Variants in HGSNAT observed in about 807,000 individuals in gnomAD.
The protein encoded by HGSNAT is transmembrane protein 76.
HGSNAT carries 59 observed loss-of-function variants against 85.2 expected under a neutral mutation model. That is an observed-to-expected ratio of 0.69 (90% CI 0.56 to 0.86). HGSNAT has a LOEUF of 0.86. Among genes scored for constraint, HGSNAT ranks in the 40% least tolerant of loss-of-function variants. The probability of loss-of-function intolerance (pLI) is 0.00; values close to 1 mark genes in which losing one functional copy is unlikely to be tolerated. For synonymous variants in HGSNAT, 321 were observed against 304.5 expected (o/e 1.05, Z -0.56); for missense variants, 756 against 777.1 (o/e 0.97, Z 0.32).
At chr8:43,192,750 G>A (rs544257474) in intron 13 of HGSNAT, among the ~76,000 whole-genome samples, 24 of 150,942 alleles carry the variant, frequency 1.6e-4, no homozygotes, top group Admixed American at 9.9e-4. Context: ...GTGAGACCCC[G>A]TCTCTGTAAG....
intron 5 of HGSNAT, among the ~76,000 whole-genome samples, chr8:43,166,286 T>G (rs144757147): frequency 0.014 from 2,205 of 152,334 alleles, 164 homozygotes; most frequent in Admixed American, 0.12. Context: ...ACAGTTTCCA[T>G]GCAGATGAAA....
intron 14 of HGSNAT, among the ~76,000 whole-genome samples, chr8:43,194,721 C>A (rs1232223003): frequency 6.6e-6 from 1 of 152,218 alleles, no homozygotes; most frequent in East Asian, 1.9e-4. Flanking sequence ...CTGCCTCAAG[C>A]CCTTTTCTAA....
At chr8:43,140,671 C>T (rs1005943525) in intron 1 of HGSNAT, 57 bp downstream of exon 1, 2 of 881,558 alleles carry the variant, frequency 2.3e-6, no homozygotes, top group Non-Finnish European at 2.9e-6. Flanking sequence ...GTCTCCTCTC[C>T]GCGGCGCCGC....
chr8:43,186,167 T>A (rs942431993), intron 11 of HGSNAT, among the ~76,000 whole-genome samples: 1 of 152,162 alleles, frequency 6.6e-6, no homozygotes, highest in Non-Finnish European at 1.5e-5. Flanking sequence ...TGAGTTAGGG[T>A]TGATTCCCTC....
chr8:43,178,112 T>C lies in HGSNAT; in HGVS notation c.890T>C (p.Met297Thr), dbSNP rs1332666131. The C allele has an allele frequency of 6.2e-7, 1 of 1,612,898 alleles. No homozygotes were observed. Among genetic ancestry groups the C allele is most frequent in the African/African-American group, 1.3e-5 (1 of 74,900 alleles). Residue 297 changes from methionine to threonine, a missense_variant, in exon 10 of 18, where the codon ATG (methionine) becomes ACG (threonine). Physicochemically the swap from Met to Thr is moderately conservative, Grantham distance 81. Coordinates refer to ENST00000379644, the MANE Select transcript of HGSNAT (RefSeq NM_152419.3). ...FIMGSSIFLS[M>T]TSILQRGCSK... ...ATGGGATCTTCCATTTTTCTATCGA[T>C]GACTTCTATACTGCAACGGGGGTGT...
chr8:43,191,177 T>G (rs1374921495), intron 11 of HGSNAT, among the ~76,000 whole-genome samples: 2 of 152,246 alleles, frequency 1.3e-5, no homozygotes, highest in Non-Finnish European at 2.9e-5. Flanking sequence ...TGTCCCCTTT[T>G]TTGCTGTTGT....
At chr8:43,182,443 C>G (rs1563376477) in intron 11 of HGSNAT, 183 bp downstream of exon 11, 1 of 648,538 alleles carries the variant, frequency 1.5e-6, no homozygotes, top group East Asian at 2.9e-5. Context: ...TGGCCAGAAA[C>G]TGTGTTCTTG....
Position 43,173,730 on chromosome 8 carries a change from C to A in HGSNAT, c.838C>A (p.Leu280Ile). 1 of 1,613,000 alleles carries A rather than the reference C, an allele frequency of 6.2e-7. No individual in the cohort carries two copies. Among genetic ancestry groups the A allele is most frequent in the Non-Finnish European group, 8.5e-7 (1 of 1,179,512 alleles). ...ASWNGLTVAD[L>I]VFPWFVFIMG... ...TTCTGCAGGGCTGACAGTGGCTGAC[C>A]TCGTGTTCCCGTGGTGAGTTGCCGG... The change falls in exon 9 of 18, where the codon CTC (leucine) becomes ATC (isoleucine). Residue 280 changes from leucine (L) to isoleucine (I), a missense_variant. Transcript: ENST00000379644.
intron 13 of HGSNAT, among the ~76,000 whole-genome samples, chr8:43,192,811 A>G (rs1804585470): frequency 6.6e-6 from 1 of 152,198 alleles, no homozygotes; most frequent in Admixed American, 6.5e-5. Context: ...TGCATTGTGT[A>G]AATGATCATA....
At chr8:43,196,633 T>G in intron 14 of HGSNAT, 2 of 826,874 alleles carry the variant, frequency 2.4e-6, no homozygotes, top group Non-Finnish European at 3.6e-6. Flanking sequence ...CCCCGAGCTC[T>G]GTGCCTGCTG....
intron 11 of HGSNAT, among the ~76,000 whole-genome samples, chr8:43,190,910 A>G (rs1804505503): frequency 6.6e-6 from 1 of 152,008 alleles, no homozygotes; most frequent in African/African-American, 2.4e-5. Flanking sequence ...GTCACTCCCC[A>G]CATCACAACT....
At chr8:43,195,295 A>C (rs1804666655) in intron 14 of HGSNAT, among the ~76,000 whole-genome samples, 1 of 152,138 alleles carries the variant, frequency 6.6e-6, no homozygotes, top group African/African-American at 2.4e-5. Context: ...AATAACATCA[A>C]CAGTTGATTC....
At chr8:43,189,453 C>T (rs970560124) in intron 11 of HGSNAT, among the ~76,000 whole-genome samples, 1 of 152,196 alleles carries the variant, frequency 6.6e-6, no homozygotes, top group African/African-American at 2.4e-5. Flanking sequence ...GATATAATCT[C>T]CTGGTGTGCC....
At chr8:43,182,372 A>G in intron 11 of HGSNAT, 112 bp downstream of exon 11, 1 of 903,588 alleles carries the variant, frequency 1.1e-6, no homozygotes, top group Non-Finnish European at 1.8e-6. Context: ...TCCTGGCTTC[A>G]AGTGATCCTC....
At chr8:43,144,876 C>T (rs1802663373) in intron 1 of HGSNAT, among the ~76,000 whole-genome samples, 1 of 152,156 alleles carries the variant, frequency 6.6e-6, no homozygotes, top group Non-Finnish European at 1.5e-5. Context: ...CCCAGCTTCA[C>T]CACTTACACC....
At position 43,185,657 on chromosome 8, in the gene HGSNAT, A is replaced by G. The variant is rs566723864; in HGVS notation, c.1128+3397A>G. On this transcript the variant is annotated intron_variant, in intron 11 of 17. Transcript: ENST00000379644. ...TTTCTCCTGCCTGATTGCCCTGGCC[A>G]GAACTTCCAATCCTATGTTGAACAG... 3.9e-5 allele frequency among the ~76,000 whole-genome samples: 6 copies of G among 152,338 alleles called. No homozygotes were observed. In the South Asian group the frequency reaches 1.2e-3, roughly 32 times the overall value.
At position 43,140,602 on chromosome 8, in the gene HGSNAT, G is replaced by T; in HGVS notation, c.106G>T (p.Ala36Ser). 8.1e-7 allele frequency: 1 copy of T among 1,235,736 alleles called. No individual in the cohort carries two copies. Among genetic ancestry groups the T allele is most frequent in the Non-Finnish European group, 1.0e-6 (1 of 981,002 alleles). The allele number at this position is 1,235,736 out of a possible 1,614,324, so 76.5% of individuals were successfully genotyped here. A position where few individuals can be genotyped will look rare whatever the true frequency, so the allele number is the denominator to read the frequency against. ...GGSSGRDAQA[A>S]PPRDLDKKRH... ...CTCTTCGGGGCGCGATGCCCAGGCCGCGCCGCCACGAGGTGAGTGCACACC... is the reference window on the plus strand; with the variant it reads ...CTCTTCGGGGCGCGATGCCCAGGCCTCGCCGCCACGAGGTGAGTGCACACC... The change falls in exon 1 of 18, where the codon GCG (alanine) becomes TCG (serine). Residue 36 changes from alanine to serine, a missense_variant. Physicochemically the swap from Ala to Ser is moderately conservative, Grantham distance 99. Coordinates refer to ENST00000379644, the MANE Select transcript of HGSNAT (RefSeq NM_152419.3).
intron 11 of HGSNAT, among the ~76,000 whole-genome samples, chr8:43,191,227 G>A (rs146626876): frequency 1.6e-3 from 246 of 152,270 alleles, no homozygotes; most frequent in African/African-American, 5.7e-3. Flanking sequence ...GTTTTTGTGT[G>A]AACATATGTT....
chr8:43,179,192 G>A (rs1216611501), intron 10 of HGSNAT, among the ~76,000 whole-genome samples: 1 of 150,786 alleles, frequency 6.6e-6, no homozygotes, highest in East Asian at 2.0e-4. Context: ...GGGCGGCCGG[G>A]CAGAAGCGCC....
Sources: gnomAD v4.1 joint callset for allele counts (sites outside exome capture counted in the v4.1 genomes callset) on GRCh38, gnomAD v4.1.1 for gene constraint, MANE v1.5 for transcripts, NCBI Gene and HGNC (gene_info 2026-07-23, HGNC 2026-07-21) for gene names.